MRTFB: variants seen among roughly 807,000 people sequenced by gnomAD.
The protein encoded by MRTFB is myocardin-related transcription factor B.
MRTFB carries 29 observed loss-of-function variants against 104.2 expected under a neutral mutation model. That is an observed-to-expected ratio of 0.28 (90% CI 0.21 to 0.38). The LOEUF (loss-of-function observed/expected upper bound fraction) is 0.38, where lower values mean the gene tolerates loss of function less well. Ranked by LOEUF, MRTFB falls within the 10% of genes least tolerant of loss-of-function variation. The pLI is 1.00. For synonymous variants in MRTFB, 535 were observed against 519.5 expected (o/e 1.03, Z -0.41); for missense variants, 1,270 against 1,341.6 (o/e 0.95, Z 0.83).
rs2042975435 is a variant in MRTFB, at chr16:14,245,558, G to A, written c.1110G>A (p.Gly370=). The A allele has an allele frequency of 6.2e-7, 1 of 1,613,060 alleles. No individual in the cohort carries two copies. Among genetic ancestry groups the A allele is most frequent in the Non-Finnish European group, 8.5e-7 (1 of 1,179,662 alleles). The change falls in exon 11 of 17, where the codon GGG becomes GGA. Residue 370 remains glycine, a synonymous_variant. Coordinates refer to ENST00000571589, the MANE Select transcript of MRTFB (RefSeq NM_001308142.2). The part of the protein sequence containing the change: ...KPLNDKNSNS[G]NSALNNATPN... Reference sequence around the variant, plus strand: ...TCAATGACAAAAATAGTAACAGTGGGAATTCAGCTTTGAACAATGCCACAC... The same window carrying A: ...TCAATGACAAAAATAGTAACAGTGGAAATTCAGCTTTGAACAATGCCACAC...
At chr16:14,011,717 C>T in the MRTFB span, among the ~76,000 whole-genome samples, 1 of 152,042 alleles carries the variant, frequency 6.6e-6, no homozygotes, top group Non-Finnish European at 1.5e-5. Context: ...ACTAAAAATA[C>T]AAAAATTAGC....
At chr16:14,201,481 TC>T (rs1435029528) in intron 3 of MRTFB, among the ~76,000 whole-genome samples, 1 of 152,198 alleles carries the variant, frequency 6.6e-6, no homozygotes, top group East Asian at 1.9e-4. Context: ...AATATGTACT[TC>T]CTGGGGAAAT....
the MRTFB span, among the ~76,000 whole-genome samples, chr16:13,999,408 T>C: frequency 3.1e-4 from 47 of 150,606 alleles, no homozygotes; most frequent in East Asian, 8.2e-3. Flanking sequence ...TTTCACTTCC[T>C]ATCTCCACAC....
At chr16:14,071,249 G>C (rs1020736400), upstream of MRTFB, 14 of 153,302 alleles carry the variant, frequency 9.1e-5, no homozygotes, top group African/African-American at 2.9e-4. Context: ...AGCGCGCCGA[G>C]CCGCTTCTAG....
intron 11 of MRTFB, 78 bp from the exon 12 acceptor site, chr16:14,246,395 C>T: frequency 6.9e-7 from 1 of 1,443,212 alleles, no homozygotes; most frequent in Non-Finnish European, 9.5e-7. Flanking sequence ...ACATAGGCAC[C>T]TTTCCCATCA....
chr16:14,045,619 T>A, the MRTFB span, among the ~76,000 whole-genome samples: 1 of 152,208 alleles, frequency 6.6e-6, no homozygotes, highest in Non-Finnish European at 1.5e-5. Context: ...AGAACATAGG[T>A]TCCAGAATCC....
chr16:14,080,933 T>C (rs896646036), intron 2 of MRTFB, among the ~76,000 whole-genome samples: 1 of 152,256 alleles, frequency 6.6e-6, no homozygotes, highest in African/African-American at 2.4e-5. Flanking sequence ...TGCTTCTGTA[T>C]CTTGGCTATT....
At chr16:14,249,413 T>TG (rs779832448) in intron 13 of MRTFB, among the ~76,000 whole-genome samples, 4 of 152,200 alleles carry the variant, frequency 2.6e-5, no homozygotes, top group Non-Finnish European at 4.4e-5. Context: ...AAACATACTG[T>TG]GGAAAAAAAG....
chr16:14,056,683 G>C, the MRTFB span, among the ~76,000 whole-genome samples: 2 of 152,256 alleles, frequency 1.3e-5, no homozygotes, highest in East Asian at 3.9e-4. Flanking sequence ...GAGAATCCTT[G>C]CTGCTGGAGT....
chr16:14,030,312 G>C, the MRTFB span, among the ~76,000 whole-genome samples: 3 of 152,108 alleles, frequency 2.0e-5, no homozygotes, highest in Admixed American at 6.6e-5. Context: ...GCTGACTCCC[G>C]GCTCAGTGCT....
intron 3 of MRTFB, chr16:14,200,156 A>C: frequency 1.3e-6 from 1 of 758,614 alleles, no homozygotes; most frequent in Non-Finnish European, 2.1e-6. Context: ...TATATCATCA[A>C]AGGATGCCCC....
chr16:14,019,983 G>T, the MRTFB span, among the ~76,000 whole-genome samples: 1 of 152,212 alleles, frequency 6.6e-6, no homozygotes, highest in Non-Finnish European at 1.5e-5. Context: ...TTGATCACGT[G>T]AGACGCTTAT....
chr16:14,149,738 T>G (rs1259688888), intron 3 of MRTFB, among the ~76,000 whole-genome samples: 4 of 152,258 alleles, frequency 2.6e-5, no homozygotes, highest in Non-Finnish European at 5.9e-5. Flanking sequence ...TGATGTAGTA[T>G]ATTCTCATAA....
At chr16:14,245,009 TG>T (rs2042950891) in intron 10 of MRTFB, among the ~76,000 whole-genome samples, 1 of 152,230 alleles carries the variant, frequency 6.6e-6, no homozygotes, top group South Asian at 2.1e-4. Flanking sequence ...CAAGGTGAGA[TG>T]GGGCCAGTCA....
intron 2 of MRTFB, among the ~76,000 whole-genome samples, chr16:14,138,726 C>T (rs937499081): frequency 2.6e-5 from 4 of 152,130 alleles, no homozygotes; most frequent in African/African-American, 9.7e-5. Context: ...CCCCACTTTG[C>T]GGCTCGCTCA....
intron 1 of MRTFB, 85 bp from the exon 2 acceptor site, chr16:14,079,205 G>T: frequency 3.3e-6 from 1 of 302,640 alleles, no homozygotes; most frequent in South Asian, 1.6e-4. Flanking sequence ...GTTTATCTTA[G>T]ACTTCACATT....
In MRTFB at chr16:14,167,967, G is replaced by A. The variant is rs534142373; in HGVS notation, c.154+27207G>A. Among the ~76,000 whole-genome samples the A allele has an allele frequency of 2.6e-5, 4 of 152,076 alleles. No homozygotes were observed. In the East Asian group the frequency reaches 7.7e-4, roughly 29 times the overall value. On this transcript the variant is annotated intron_variant, in intron 3 of 16. Coordinates refer to ENST00000571589, the MANE Select transcript of MRTFB (RefSeq NM_001308142.2). ...CTTCCGGAGTGCTGAGATTACAGGC[G>A]TGAGCCACCGCGCCCGGCCAATCTA...
chr16:14,103,044 A>G (rs1425257401), intron 2 of MRTFB, among the ~76,000 whole-genome samples: 2 of 152,166 alleles, frequency 1.3e-5, no homozygotes, highest in African/African-American at 2.4e-5. Flanking sequence ...TTATTCTTTG[A>G]GACTCAGCTC....
At chr16:14,019,863 A>G in the MRTFB span, among the ~76,000 whole-genome samples, 1 of 152,200 alleles carries the variant, frequency 6.6e-6, no homozygotes, top group Non-Finnish European at 1.5e-5. Flanking sequence ...ATGCTGCCCA[A>G]CACAGAGGGA....
Sources: allele counts gnomAD v4.1 joint callset (sites outside exome capture counted in the v4.1 genomes callset), GRCh38; gene constraint gnomAD v4.1.1; transcripts MANE v1.5; gene names NCBI Gene and HGNC (gene_info 2026-07-23, HGNC 2026-07-21).